The following CSMD1 variants were observed in gnomAD, a reference collection of about 807,000 sequenced individuals.
The protein encoded by CSMD1 is CUB and sushi domain-containing protein 1.
CSMD1 carries 213 observed loss-of-function variants against 417.5 expected under a neutral mutation model. That is an observed-to-expected ratio of 0.51 (90% CI 0.46 to 0.57). CSMD1 has a LOEUF of 0.57. Ranked by LOEUF, CSMD1 falls within the 20% of genes least tolerant of loss-of-function variation. CSMD1 has a pLI of 0.00. For synonymous variants in CSMD1, 2,862 were observed against 1,736.8 expected, an observed-to-expected ratio of 1.65 and a Z score of -16.11; for missense variants, 6,923 against 4,529.7, an observed-to-expected ratio of 1.53 and a Z score of -15.17.
At chr8:3,356,584 A>C (rs1484617118) in intron 21 of CSMD1, among the ~76,000 whole-genome samples, 1 of 152,240 alleles carries the variant, frequency 6.6e-6, no homozygotes, top group African/African-American at 2.4e-5. Flanking sequence ...ATGAGGCAGG[A>C]GAATTGCTTG....
chr8:4,009,155 G>C (rs1816360423), intron 4 of CSMD1, among the ~76,000 whole-genome samples: 1 of 152,162 alleles, frequency 6.6e-6, no homozygotes, highest in Admixed American at 6.5e-5. Context: ...GGCATTTAAG[G>C]AAAGATGCAT....
intron 3 of CSMD1, among the ~76,000 whole-genome samples, chr8:4,087,584 T>C (rs982425639): frequency 1.3e-5 from 2 of 152,128 alleles, no homozygotes; most frequent in Non-Finnish European, 2.9e-5. Context: ...GATTTCATTA[T>C]CTGTCTAACT....
intron 1 of CSMD1, among the ~76,000 whole-genome samples, chr8:4,775,443 T>C (rs1001710091): frequency 6.6e-6 from 1 of 152,216 alleles, no homozygotes; most frequent in Admixed American, 6.5e-5. Context: ...ATAAAGTCTG[T>C]GCTTATTGAC....
chr8:2,978,133 C>T (rs1805089646), intron 55 of CSMD1, among the ~76,000 whole-genome samples: 3 of 152,170 alleles, frequency 2.0e-5, no homozygotes, highest in Admixed American at 1.3e-4. Context: ...ACCAGGAATG[C>T]TCACAAAACC....
intron 1 of CSMD1, among the ~76,000 whole-genome samples, chr8:4,712,840 A>G (rs1389361171): frequency 6.6e-6 from 1 of 152,172 alleles, no homozygotes; most frequent in Non-Finnish European, 1.5e-5. Flanking sequence ...TCTATTTCAG[A>G]GAGGTCTAAT....
At chr8:3,020,585 G>T (rs1372862116) in intron 51 of CSMD1, among the ~76,000 whole-genome samples, 1 of 151,918 alleles carries the variant, frequency 6.6e-6, no homozygotes. Flanking sequence ...TGTTGTCCAG[G>T]CTTGTCTGGA....
chr8:3,646,560 C>A (rs2117351998), intron 7 of CSMD1, among the ~76,000 whole-genome samples: 1 of 152,292 alleles, frequency 6.6e-6, no homozygotes, highest in South Asian at 2.1e-4. Context: ...AATGCATGAG[C>A]TTGTTTCCCC....
At chr8:3,679,782 G>C (rs575382617) in intron 7 of CSMD1, among the ~76,000 whole-genome samples, 11 of 152,252 alleles carry the variant, frequency 7.2e-5, no homozygotes, top group African/African-American at 2.6e-4. Flanking sequence ...CACATAGTTG[G>C]AAGTAAAGCT....
At chr8:3,509,218 A>T (rs183723300) in intron 10 of CSMD1, among the ~76,000 whole-genome samples, 298 of 152,338 alleles carry the variant, frequency 2.0e-3, no homozygotes, top group African/African-American at 6.4e-3. Context: ...TTAGAGAAAC[A>T]ATATTATCTG....
At chr8:3,489,116 CT>C in intron 11 of CSMD1, among the ~76,000 whole-genome samples, 1 of 152,240 alleles carries the variant, frequency 6.6e-6, no homozygotes, top group South Asian at 2.1e-4. Flanking sequence ...CTTCAGCAGT[CT>C]TTTAATAAAA....
At chr8:3,838,788 T>A (rs1422998409) in intron 5 of CSMD1, among the ~76,000 whole-genome samples, 2 of 113,770 alleles carry the variant, frequency 1.8e-5, no homozygotes, top group African/African-American at 3.6e-5. Flanking sequence ...AAATTGATAT[T>A]ATATAGTATA....
intron 2 of CSMD1, among the ~76,000 whole-genome samples, chr8:4,578,613 A>C (rs953599457): frequency 6.6e-6 from 1 of 151,262 alleles, no homozygotes; most frequent in Non-Finnish European, 1.5e-5. Flanking sequence ...TCAGGAGTTC[A>C]AGATCAGCCT....
intron 8 of CSMD1, among the ~76,000 whole-genome samples, chr8:3,605,111 C>A (rs894165521): frequency 2.0e-5 from 3 of 152,218 alleles, no homozygotes; most frequent in African/African-American, 7.2e-5. Flanking sequence ...TCTCCTGCCT[C>A]AGCCTCCCGA....
intron 3 of CSMD1, among the ~76,000 whole-genome samples, chr8:4,412,752 A>C (rs1288182611): frequency 1.3e-5 from 2 of 152,244 alleles, no homozygotes; most frequent in East Asian, 3.9e-4. Context: ...TATAGGAATT[A>C]GACTACTTAC....
At chr8:4,578,567 G>A (rs62486670) in intron 2 of CSMD1, among the ~76,000 whole-genome samples, 101,223 of 150,662 alleles carry the variant, frequency 0.67, 34,565 homozygotes, top group African/African-American at 0.81. Context: ...CTGTAATCTC[G>A]GCATTTTGGG....
In CSMD1 at chr8:4,032,397, G is replaced by C. The variant is rs530030506; in HGVS notation, c.416-298C>G. Among the ~76,000 whole-genome samples the C allele has an allele frequency of 6.6e-5, 10 of 152,062 alleles. No homozygotes were observed. In the South Asian group the frequency reaches 1.0e-3, roughly 16 times the overall value. On this transcript the variant is annotated intron_variant, in intron 3 of 69. Transcript: ENST00000635120. ...ATAATGTCTGGATTATATTTTTCTAGTCACAAAATTCTACTTACTCCTATA... is the reference window on the plus strand; with the variant it reads ...ATAATGTCTGGATTATATTTTTCTACTCACAAAATTCTACTTACTCCTATA...
intron 11 of CSMD1, chr8:3,469,128 A>G: frequency 4.0e-6 from 1 of 249,226 alleles, no homozygotes. Flanking sequence ...AGGTGCAGGA[A>G]TTACAATGTT....
intron 41 of CSMD1, among the ~76,000 whole-genome samples, chr8:3,139,073 C>T (rs963323923): frequency 1.3e-5 from 2 of 152,122 alleles, no homozygotes; most frequent in Non-Finnish European, 2.9e-5. Context: ...GATGGGGGCA[C>T]TGGAGGATAA....
chr8:4,878,986 G>A (rs559416589), intron 1 of CSMD1, among the ~76,000 whole-genome samples: 2 of 152,004 alleles, frequency 1.3e-5, no homozygotes, highest in Non-Finnish European at 2.9e-5. Flanking sequence ...GGGGTCATGG[G>A]AGAACAGGAT....
Sources: gnomAD v4.1 joint callset for allele counts (sites outside exome capture counted in the v4.1 genomes callset) on GRCh38, gnomAD v4.1.1 for gene constraint, MANE v1.5 for transcripts, NCBI Gene and HGNC (gene_info 2026-07-23, HGNC 2026-07-21) for gene names.